The following TNFSF4 variants were observed in gnomAD, a reference collection of about 807,000 sequenced individuals.
TNFSF4 encodes the protein tumor necrosis factor ligand superfamily member 4.
TNFSF4 carries 4 observed loss-of-function variants against 7.3 expected under a neutral mutation model. That is an observed-to-expected ratio of 0.55 (90% CI 0.27 to 1.25). The LOEUF is 1.25. Among genes scored for constraint, TNFSF4 ranks in the 50% most tolerant of loss-of-function variants. TNFSF4 has a pLI of 0.12. For synonymous variants in TNFSF4, 76 were observed against 83.7 expected, an observed-to-expected ratio of 0.91 and a Z score of 0.50; for missense variants, 181 against 208.8, an observed-to-expected ratio of 0.87 and a Z score of 0.82.
chr1:173,205,334 C>A (rs1257354768), intron 1 of TNFSF4: 1 of 1,612,108 alleles, frequency 6.2e-7, no homozygotes, highest in South Asian at 1.1e-5. Context: ...GTCCTAGAAA[C>A]CAGCACCCTG....
chr1:173,428,450 G>A, the TNFSF4 span, among the ~76,000 whole-genome samples: 5 of 152,162 alleles, frequency 3.3e-5, no homozygotes, highest in East Asian at 3.9e-4. Flanking sequence ...AACAGAGAGG[G>A]ACATGGAAGG....
chr1:173,209,403 C>G (rs776611564), upstream of TNFSF4, among the ~76,000 whole-genome samples: 1 of 152,192 alleles, frequency 6.6e-6, no homozygotes, highest in Non-Finnish European at 1.5e-5. Flanking sequence ...GGCACATAAG[C>G]AGAGTCCTCC....
the TNFSF4 span, among the ~76,000 whole-genome samples, chr1:173,450,537 G>A: frequency 6.6e-6 from 1 of 151,444 alleles, no homozygotes; most frequent in Non-Finnish European, 1.5e-5. Context: ...TTATCAAATT[G>A]AATCCAAAAA....
At chr1:173,202,702 A>T (rs74126364) in intron 1 of TNFSF4, among the ~76,000 whole-genome samples, 15,877 of 152,178 alleles carry the variant, frequency 0.1, 992 homozygotes, top group African/African-American at 0.16. Flanking sequence ...TTCCTTTAGC[A>T]TGATTCACAA....
the TNFSF4 span, among the ~76,000 whole-genome samples, chr1:173,213,676 AACC>A: frequency 1.3e-5 from 2 of 152,226 alleles, no homozygotes; most frequent in Non-Finnish European, 2.9e-5. Flanking sequence ...ACACTCACAA[AACC>A]ACCAACACAA....
chr1:173,334,209 T>C, the TNFSF4 span, among the ~76,000 whole-genome samples: 1 of 152,160 alleles, frequency 6.6e-6, no homozygotes. Context: ...TTAAAGATGC[T>C]AGTGTCTATT....
chr1:173,448,681 G>T, the TNFSF4 span, among the ~76,000 whole-genome samples: 19 of 152,270 alleles, frequency 1.2e-4, no homozygotes, highest in Admixed American at 1.2e-3. Flanking sequence ...CTTTCACAAG[G>T]TAATGTCATC....
the TNFSF4 span, among the ~76,000 whole-genome samples, chr1:173,231,458 A>T: frequency 6.6e-6 from 1 of 152,218 alleles, no homozygotes; most frequent in Admixed American, 6.5e-5. Flanking sequence ...AAATAATAAT[A>T]GCTATTTATG....
chr1:173,291,806 C>T, the TNFSF4 span, among the ~76,000 whole-genome samples: 37 of 151,888 alleles, frequency 2.4e-4, no homozygotes, highest in African/African-American at 8.9e-4. Flanking sequence ...ATATAAATGA[C>T]AAAGGTGACA....
At chr1:173,227,836 T>G in the TNFSF4 span, among the ~76,000 whole-genome samples, 77 of 152,296 alleles carry the variant, frequency 5.1e-4, no homozygotes, top group Non-Finnish European at 9.3e-4. Flanking sequence ...GCCTTGCTAA[T>G]TACTAGCACA....
the TNFSF4 span, among the ~76,000 whole-genome samples, chr1:173,382,224 C>T: frequency 5.3e-5 from 8 of 152,142 alleles, no homozygotes; most frequent in Non-Finnish European, 1.2e-4. Context: ...ACTCCAGACG[C>T]ACCACCTTTA....
At chr1:173,312,099 A>G in the TNFSF4 span, among the ~76,000 whole-genome samples, 3 of 152,082 alleles carry the variant, frequency 2.0e-5, no homozygotes, top group Admixed American at 6.6e-5. Flanking sequence ...GTGCATATCC[A>G]TGATGATTTT....
chr1:173,354,039 G>A, the TNFSF4 span, among the ~76,000 whole-genome samples: 1 of 150,496 alleles, frequency 6.6e-6, no homozygotes, highest in Admixed American at 6.6e-5. Flanking sequence ...AAATTCAAAA[G>A]GTCAACAAAT....
the TNFSF4 span, among the ~76,000 whole-genome samples, chr1:173,292,574 T>G: frequency 6.6e-6 from 1 of 151,470 alleles, no homozygotes; most frequent in South Asian, 2.1e-4. Context: ...CCTTGAGAAG[T>G]GGGGAATGAC....
At chr1:173,198,113 C>T (rs1649784007) in intron 1 of TNFSF4, among the ~76,000 whole-genome samples, 1 of 152,162 alleles carries the variant, frequency 6.6e-6, no homozygotes, top group Non-Finnish European at 1.5e-5. Context: ...TATTTGAAAT[C>T]ACTCATTCCC....
Position 173,207,125 on chromosome 1 carries a change from T to C in TNFSF4, c.52A>G (p.Arg18Gly), listed in dbSNP as rs1650230625. The C allele has an allele frequency of 6.2e-7, 1 of 1,613,716 alleles. No individual in the cohort carries two copies. Among genetic ancestry groups the C allele is most frequent in the East Asian group, 2.2e-5 (1 of 44,894 alleles). ...AGCAATAGCTTGTTCCTCTCGAATC[T>C]TGGCCTGGCTGCATTTCCCACATTC... is the stretch of plus-strand genomic sequence containing the variant. ...EENVGNAARP[R>G]FERNKLLLVA... is the part of the protein sequence containing the mutation. The change falls in exon 1 of 3, where the codon AGA becomes GGA. Residue 18 changes from arginine (R) to glycine (G), a missense_variant. Arg to Gly is a moderately radical substitution (Grantham distance 125). Coordinates refer to ENST00000281834, the MANE Select transcript of TNFSF4 (RefSeq NM_003326.5).
At chr1:173,246,531 A>G in the TNFSF4 span, among the ~76,000 whole-genome samples, 8 of 152,234 alleles carry the variant, frequency 5.3e-5, no homozygotes, top group Admixed American at 1.3e-4. Flanking sequence ...TAGACTGGAT[A>G]AACAAAGTGT....
At chr1:173,383,512 T>C in the TNFSF4 span, among the ~76,000 whole-genome samples, 1 of 152,360 alleles carries the variant, frequency 6.6e-6, no homozygotes, top group East Asian at 1.9e-4. Context: ...ATTCATTCAT[T>C]CACATATTGA....
chr1:173,303,547 G>A, the TNFSF4 span, among the ~76,000 whole-genome samples: 22 of 151,842 alleles, frequency 1.4e-4, 1 homozygote, highest in Admixed American at 5.3e-4. Flanking sequence ...AGATGACGGC[G>A]CTCCTGCTCT....
Sources: gnomAD v4.1 joint callset for allele counts (sites outside exome capture counted in the v4.1 genomes callset) on GRCh38, gnomAD v4.1.1 for gene constraint, MANE v1.5 for transcripts, NCBI Gene and HGNC (gene_info 2026-07-23, HGNC 2026-07-21) for gene names.